STX8: variants seen among roughly 807,000 people sequenced by gnomAD.
STX8 encodes syntaxin 8.
A neutral mutation model predicts 37.5 loss-of-function variants in STX8; 23 were observed. The observed-to-expected ratio is 0.61, with a 90% CI of 0.44 to 0.87. STX8 has a LOEUF of 0.87. STX8 is among the 40% of genes least tolerant of loss of function. STX8 has a pLI of 0.00. For synonymous variants in STX8, 115 were observed against 99.1 expected (o/e 1.16, Z -0.95); for missense variants, 313 against 284.7 (o/e 1.10, Z -0.71).
chr17:9,439,629 G>T (rs1378567826), intron 6 of STX8, among the ~76,000 whole-genome samples: 1 of 151,216 alleles, frequency 6.6e-6, no homozygotes, highest in Non-Finnish European at 1.5e-5. Flanking sequence ...CCGAGCAGCT[G>T]GGACTACAGG....
chr17:9,407,836 C>T (rs995902942), intron 6 of STX8, among the ~76,000 whole-genome samples: 2 of 152,148 alleles, frequency 1.3e-5, no homozygotes, highest in South Asian at 2.1e-4. Flanking sequence ...TGAAGTCTTA[C>T]AGTAGCTGCC....
chr17:9,274,214 A>T (rs1907573399), intron 7 of STX8, among the ~76,000 whole-genome samples: 1 of 152,104 alleles, frequency 6.6e-6, no homozygotes, highest in African/African-American at 2.4e-5. Flanking sequence ...CTTCCTGCCC[A>T]GATCTGTTAC....
At chr17:9,281,194 T>C (rs915362134) in intron 7 of STX8, among the ~76,000 whole-genome samples, 3 of 151,548 alleles carry the variant, frequency 2.0e-5, no homozygotes, top group Admixed American at 2.0e-4. Flanking sequence ...GTGACAGGAG[T>C]GATCCAGAAG....
At chr17:9,561,664 CAAAAAAA>C (rs11353116) in intron 2 of STX8, among the ~76,000 whole-genome samples, 14 of 66,672 alleles carry the variant, frequency 2.1e-4, no homozygotes, top group African/African-American at 8.3e-4. Context: ...TCCATCTGGC[CAAAAAAA>C]AAAAAAAAAA....
chr17:9,437,129 G>T (rs907137703), intron 6 of STX8, among the ~76,000 whole-genome samples: 2 of 152,204 alleles, frequency 1.3e-5, no homozygotes, highest in African/African-American at 4.8e-5. Flanking sequence ...GCAGACAGTT[G>T]TACTATTAAT....
intron 6 of STX8, among the ~76,000 whole-genome samples, chr17:9,382,909 G>GT (rs1403713610): frequency 1.3e-5 from 2 of 152,220 alleles, no homozygotes; most frequent in African/African-American, 4.8e-5. Flanking sequence ...TCAAAATTAT[G>GT]TTGAAGCCTC....
At chr17:9,546,591 G>GTTTTTTTTTTTTTT (rs386385626) in intron 3 of STX8, among the ~76,000 whole-genome samples, 4 of 52,208 alleles carry the variant, frequency 7.7e-5, no homozygotes, top group African/African-American at 1.6e-4. Context: ...TACAAAAGTG[G>GTTTTTTTTTTTTTT]TTTTTTTTTT....
intron 6 of STX8, among the ~76,000 whole-genome samples, chr17:9,453,640 G>A (rs576359777): frequency 2.6e-5 from 4 of 151,962 alleles, no homozygotes; most frequent in African/African-American, 9.7e-5. Flanking sequence ...TCACAGGCAT[G>A]TGCCACCATG....
At chr17:9,295,752 C>CA (rs1050535331) in intron 7 of STX8, among the ~76,000 whole-genome samples, 2 of 150,438 alleles carry the variant, frequency 1.3e-5, no homozygotes, top group Non-Finnish European at 3.0e-5. Context: ...CCCTCCCCCC[C>CA]AAAAAAAGGA....
At chr17:9,256,844 C>T (rs1906816885) in intron 7 of STX8, among the ~76,000 whole-genome samples, 1 of 152,240 alleles carries the variant, frequency 6.6e-6, no homozygotes, top group East Asian at 1.9e-4. Context: ...CTTCTTCTGC[C>T]TCAGAATAGT....
At chr17:9,572,185 C>T (rs942529114) in intron 1 of STX8, among the ~76,000 whole-genome samples, 1 of 151,912 alleles carries the variant, frequency 6.6e-6, no homozygotes, top group African/African-American at 2.4e-5. Context: ...AATTAGTTAC[C>T]CTGGAGGTAA....
At chr17:9,480,897 T>C (rs1906309205) in intron 6 of STX8, among the ~76,000 whole-genome samples, 1 of 151,924 alleles carries the variant, frequency 6.6e-6, no homozygotes, top group Non-Finnish European at 1.5e-5. Flanking sequence ...TTTCTTTCTT[T>C]TTTTTGAGGT....
intron 4 of STX8, among the ~76,000 whole-genome samples, chr17:9,517,811 A>AAAAG (rs71135990): frequency 1.6e-4 from 20 of 128,672 alleles, no homozygotes; most frequent in African/African-American, 5.4e-4. Context: ...AAAAAAAAAA[A>AAAAG]GGCAAAGAGA....
chr17:9,536,872 T>C (rs956448740), intron 4 of STX8, among the ~76,000 whole-genome samples: 4 of 151,984 alleles, frequency 2.6e-5, no homozygotes, highest in Non-Finnish European at 5.9e-5. Flanking sequence ...GCCTCCCGAA[T>C]AGCTGGGATT....
intron 3 of STX8, among the ~76,000 whole-genome samples, chr17:9,556,669 T>C (rs1906974692): frequency 6.6e-6 from 1 of 150,554 alleles, no homozygotes. Flanking sequence ...CTCGAACTCC[T>C]GGCCTCAAGT....
chr17:9,527,386 G>C (rs1045012594), intron 4 of STX8, among the ~76,000 whole-genome samples: 3 of 152,026 alleles, frequency 2.0e-5, no homozygotes, highest in Non-Finnish European at 4.4e-5. Flanking sequence ...GCAGGCTGCA[G>C]TGAGCTGTGA....
intron 7 of STX8, among the ~76,000 whole-genome samples, chr17:9,292,516 T>C (rs1269804298): frequency 6.6e-6 from 1 of 152,160 alleles, no homozygotes; most frequent in African/African-American, 2.4e-5. Flanking sequence ...AAAGATAACT[T>C]TACAGCAGAC....
intron 7 of STX8, among the ~76,000 whole-genome samples, chr17:9,318,557 T>C (rs907642353): frequency 2.2e-4 from 33 of 152,064 alleles, no homozygotes; most frequent in African/African-American, 8.0e-4. Flanking sequence ...CCCTAAAAGC[T>C]TCCAGAGTGA....
At chr17:9,480,596 G>A (rs562738351) in intron 6 of STX8, among the ~76,000 whole-genome samples, 139 of 152,222 alleles carry the variant, frequency 9.1e-4, no homozygotes, top group African/African-American at 3.3e-3. Flanking sequence ...ATGGAAAGAT[G>A]GCATGGGGTA....
Sources: allele counts gnomAD v4.1 joint callset (sites outside exome capture counted in the v4.1 genomes callset), GRCh38; gene constraint gnomAD v4.1.1; transcripts MANE v1.5; gene names NCBI Gene and HGNC (gene_info 2026-07-23, HGNC 2026-07-21).